Variants in PLCG1 observed in about 807,000 individuals in gnomAD.
PLCG1 encodes the protein phospholipase C gamma 1, also known as 1-phosphatidylinositol 4,5-bisphosphate phosphodiesterase gamma-1.
A neutral mutation model predicts 177.8 loss-of-function variants in PLCG1; 71 were observed. The observed-to-expected ratio is 0.40, with a 90% CI of 0.33 to 0.49. The LOEUF is 0.49. Among genes scored for constraint, PLCG1 ranks in the 20% least tolerant of loss-of-function variants. The pLI, the probability that PLCG1 is intolerant of heterozygous loss-of-function variation, is 0.72. For missense variants in PLCG1, 1,281 were observed against 1,709.0 expected (o/e 0.75, Z 4.42); for synonymous variants, 658 against 647.9 (o/e 1.02, Z -0.24).
chr20:41,165,384 GC>G lies in PLCG1; in HGVS notation c.1509+18del. 9 of 1,614,164 alleles carry G rather than the reference GC, an allele frequency of 5.6e-6. No homozygotes were observed. Among genetic ancestry groups the G allele is most frequent in the Non-Finnish European group, 7.6e-6 (9 of 1,179,994 alleles). On this transcript the variant is annotated intron_variant, in intron 14 of 31. Coordinates refer to ENST00000685551, the MANE Select transcript of PLCG1 (RefSeq NM_002660.3). The surrounding 1 kb of genome is among the most constrained non-coding windows in gnomAD (Gnocchi z 6.6). ...GTGAACCACGTGAGGACTGGGCCAG[GC>G]TGGGGGTGGTAGGCCAGTGGGTGTG...
chr20:41,143,843 A>C (rs1264853572), intron 1 of PLCG1, among the ~76,000 whole-genome samples: 1 of 152,220 alleles, frequency 6.6e-6, no homozygotes, highest in Non-Finnish European at 1.5e-5. Context: ...TAAGAGTAAG[A>C]GATTTTATGT....
At chr20:41,162,247 T>G (rs2146036699) in intron 4 of PLCG1, 1 of 299,746 alleles carries the variant, frequency 3.3e-6, no homozygotes, top group South Asian at 1.7e-4. Context: ...TTTTTTTTTT[T>G]TTTTTTTTGC....
rs1372727540 is a variant in PLCG1 at position 41,163,639 on chromosome 20, C to T, written c.892-76C>T. The T allele has an allele frequency of 1.7e-6, 2 of 1,156,386 alleles. No homozygotes were observed. Among genetic ancestry groups the T allele is most frequent in the African/African-American group, 3.0e-5 (2 of 66,380 alleles). The allele number at this position is 1,156,386 out of a possible 1,614,324, so 71.6% of individuals were successfully genotyped here. Reference sequence around the variant, plus strand: ...CAGTTGGGACAGAGCACTCTCTCTCCTACCCCCAACCTACCATCTTGGGTT... The same window carrying T: ...CAGTTGGGACAGAGCACTCTCTCTCTTACCCCCAACCTACCATCTTGGGTT... On this transcript the variant is annotated intron_variant, in intron 9 of 31. Coordinates refer to ENST00000685551, the MANE Select transcript of PLCG1 (RefSeq NM_002660.3). The surrounding 1 kb of genome is among the most constrained non-coding windows in gnomAD (Gnocchi z 5.2).
At chr20:41,145,773 G>A (rs989288096) in intron 1 of PLCG1, among the ~76,000 whole-genome samples, 11 of 152,228 alleles carry the variant, frequency 7.2e-5, no homozygotes, top group African/African-American at 2.4e-4. Context: ...AATGGGGACA[G>A]TGGAGTTGGT....
rs2866370 is a variant in PLCG1 at position 41,146,854 on chromosome 20, G to A, written c.217+8996G>A. On this transcript the variant is annotated intron_variant, in intron 1 of 31. Transcript: ENST00000685551. This position sits in a 1 kb window ranked among gnomAD's most constrained non-coding sequence, Gnocchi z 6.3. ...AACCCCACCTTGACTTCAGCCTAAGGCCCAGAGAGTGTGGGCCTGAGTTCA... is the reference window on the plus strand; with the variant it reads ...AACCCCACCTTGACTTCAGCCTAAGACCCAGAGAGTGTGGGCCTGAGTTCA... 0.068 allele frequency among the ~76,000 whole-genome samples: 10,315 copies of A among 152,186 alleles called. 373 individuals carry two copies. The highest frequency in any genetic ancestry group is 0.17 in the Middle Eastern group (50 of 294).
rs960647099 is a variant in PLCG1 at position 41,167,213 on chromosome 20, C to T, written c.2301+354C>T. On this transcript the variant is annotated intron_variant, in intron 19 of 31. Coordinates refer to ENST00000685551, the MANE Select transcript of PLCG1 (RefSeq NM_002660.3). The surrounding 1 kb of genome is among the most constrained non-coding windows in gnomAD (Gnocchi z 4.4). ...CTAGGGCAGATGAGATGAGGCTACC[C>T]AAGAGTGGTTGTGGAGCCTCCGCCT... Among the ~76,000 whole-genome samples, 1 of 152,082 alleles carries T rather than the reference C, an allele frequency of 6.6e-6. No homozygotes were observed. The highest frequency in any genetic ancestry group is 2.4e-5 in the African/African-American group (1 of 41,402).
chr20:41,167,743 G>A lies in PLCG1; in HGVS notation c.2302-109G>A, dbSNP rs1299663853. ...AGGTCGAAGGATCCCTGTGGATCAG[G>A]TGCAAGTTTGCTGCACTGGGGGAAA... is the stretch of plus-strand genomic sequence containing the variant. On this transcript the variant is annotated intron_variant, in intron 19 of 31. Transcript: ENST00000685551. This position sits in a 1 kb window ranked among gnomAD's most constrained non-coding sequence, Gnocchi z 4.4. 1.1e-5 allele frequency: 8 copies of A among 761,350 alleles called. No individual in the cohort carries two copies. Among genetic ancestry groups the A allele is most frequent in the Non-Finnish European group, 1.9e-5 (8 of 429,508 alleles). The allele number at this position is 761,350 out of a possible 1,614,324, so 47.2% of individuals were successfully genotyped here. A position where few individuals can be genotyped will look rare whatever the true frequency, so the allele number is the denominator to read the frequency against.
At chr20:41,152,281 C>T (rs1016082822) in intron 1 of PLCG1, among the ~76,000 whole-genome samples, 7 of 152,244 alleles carry the variant, frequency 4.6e-5, no homozygotes, top group Admixed American at 2.0e-4. Flanking sequence ...CCCAGCAGGG[C>T]GTGGGTGCTC....
At position 41,170,269 on chromosome 20, in the gene PLCG1, G is replaced by A. The variant is rs1410701792; in HGVS notation, c.2808G>A (p.Arg936=). 2 of 1,613,986 alleles carry A rather than the reference G, an allele frequency of 1.2e-6. No individual in the cohort carries two copies. The highest frequency in any genetic ancestry group is 2.2e-5 in the East Asian group (1 of 44,896). ...IREVAQTADA[R]LTEGKIMERR... is the part of the protein sequence containing the mutation. ...AAGTGGCCCAGACAGCAGACGCCAGGGTGAGATTCTGCTGGAACCTTCTGG... is the reference window on the plus strand; with the variant it reads ...AAGTGGCCCAGACAGCAGACGCCAGAGTGAGATTCTGCTGGAACCTTCTGG... Residue 936 remains arginine (R), a splice_region_variant and synonymous_variant, in exon 24 of 32, where the codon AGG becomes AGA. Coordinates refer to ENST00000685551, the MANE Select transcript of PLCG1 (RefSeq NM_002660.3).
Position 41,166,284 on chromosome 20 carries a change from C to G in PLCG1, c.1890C>G (p.Asp630Glu). The G allele has an allele frequency of 8.1e-6, 13 of 1,614,194 alleles. No individual in the cohort carries two copies. The highest frequency in any genetic ancestry group is 1.1e-5 in the Non-Finnish European group (13 of 1,180,026). ...TCTTGACAGACAACCTCGTCTTTGA[C>G]TCCCTCTATGACCTCATCACGCACT... The part of the protein sequence containing the change: ...KFFLTDNLVF[D>E]SLYDLITHYQ... The change falls in exon 17 of 32, where the codon GAC becomes GAG. Residue 630 changes from aspartate to glutamate, a missense_variant. By Grantham distance (45) the Asp-to-Glu change is conservative. This residue lies in a region of PLCG1 where 723 missense variants were observed against 1,030.0 expected (regional missense o/e 0.70). Transcript: ENST00000685551. The surrounding 1 kb of genome is among the most constrained non-coding windows in gnomAD (Gnocchi z 8.6).
chr20:41,158,519 T>G (rs1038954262), intron 1 of PLCG1, among the ~76,000 whole-genome samples: 2 of 152,328 alleles, frequency 1.3e-5, no homozygotes, highest in Admixed American at 6.5e-5. Context: ...TGTCAGAGCC[T>G]GTGCACCTTT....
rs1461540170 is a variant in PLCG1 at position 41,137,580 on chromosome 20, G to A, written c.-62G>A. The stretch of plus-strand genomic sequence containing the variant: ...AGCCTCAGCCCCAACCTCAGCCGCC[G>A]CCGTTGCGCTTGCTCCCGGGCGGTC... On this transcript the variant is annotated 5_prime_UTR_variant, in exon 1 of 32. Coordinates refer to ENST00000685551, the MANE Select transcript of PLCG1 (RefSeq NM_002660.3). This position sits in a 1 kb window ranked among gnomAD's most constrained non-coding sequence, Gnocchi z 7.3. 9.6e-7 allele frequency: 1 copy of A among 1,045,974 alleles called. No individual in the cohort carries two copies. Among genetic ancestry groups the A allele is most frequent in the Non-Finnish European group, 1.2e-6 (1 of 812,618 alleles). The allele number at this position is 1,045,974 out of a possible 1,614,324, so 64.8% of individuals were successfully genotyped here.
At position 41,163,682 on chromosome 20, in the gene PLCG1, A is replaced by G. The variant is rs1180720412; in HGVS notation, c.892-33A>G. 4 of 1,427,270 alleles carry G rather than the reference A, an allele frequency of 2.8e-6. No homozygotes were observed. Among genetic ancestry groups the G allele is most frequent in the East Asian group, 2.3e-5 (1 of 44,064 alleles). The allele number at this position is 1,427,270 out of a possible 1,614,324, so 88.4% of individuals were successfully genotyped here. ...CTTGGGTTGGACAGGGCAGGGACTC[A>G]CTGTCTCTTCCCTTCCACATGTTTC... On this transcript the variant is annotated intron_variant, in intron 9 of 31. Transcript: ENST00000685551. This position sits in a 1 kb window ranked among gnomAD's most constrained non-coding sequence, Gnocchi z 5.2.
At position 41,163,261 on chromosome 20, in the gene PLCG1, C is replaced by T. The variant is rs563842379; in HGVS notation, c.775C>T (p.Leu259Phe). The T allele has an allele frequency of 6.4e-7, 1 of 1,559,628 alleles. No homozygotes were observed. The highest frequency in any genetic ancestry group is 1.2e-5 in the South Asian group (1 of 81,660). ...VSLPEFQQFL[L>F]DYQGELWAVD... ...CCTTCCTGAGTTCCAGCAGTTCCTT[C>T]TTGACTACCAGGGGGTATGGCTGGG... Residue 259 changes from leucine (L) to phenylalanine (F), a missense_variant, in exon 8 of 32, where the codon CTT becomes TTT. Around this residue, in one of 4 missense-constraint regions of PLCG1, gnomAD observed 374 missense variants for 443.8 expected, o/e 0.84. Transcript: ENST00000685551. This position sits in a 1 kb window ranked among gnomAD's most constrained non-coding sequence, Gnocchi z 5.2.
In PLCG1 at chr20:41,166,140, C is replaced by T; in HGVS notation, c.1800-54C>T. 6.5e-7 allele frequency: 1 copy of T among 1,527,590 alleles called. No homozygotes were observed. Among genetic ancestry groups the T allele is most frequent in the Non-Finnish European group, 9.0e-7 (1 of 1,112,558 alleles). 94.6% of individuals were successfully genotyped at this position (1,527,590 alleles called of 1,614,324 possible). ...ACCCTCATTTGGGGTGGAACTTGGT[C>T]TTTGGGGCCCTGGCCTGTTTTCCCC... On this transcript the variant is annotated intron_variant, in intron 16 of 31. Coordinates refer to ENST00000685551, the MANE Select transcript of PLCG1 (RefSeq NM_002660.3). This position sits in a 1 kb window ranked among gnomAD's most constrained non-coding sequence, Gnocchi z 8.6.
rs77229521 is a variant in PLCG1, at chr20:41,162,432, G to C, written c.513-20G>C. On this transcript the variant is annotated intron_variant, in intron 4 of 31. Coordinates refer to ENST00000685551, the MANE Select transcript of PLCG1 (RefSeq NM_002660.3). ...ATGAGAAGCTGGATGAGACCACTGG[G>C]GATGTCCCTGTTTTCTCAGTATATC... The C allele has an allele frequency of 3.9e-4, 624 of 1,596,478 alleles. 1 individual carries two copies. The African/African-American group carries it at 7.7e-3, about 20-fold the overall frequency.
At position 41,159,815 on chromosome 20, in the gene PLCG1, C is replaced by T. The variant is rs2035437642; in HGVS notation, c.371-55C>T. The T allele has an allele frequency of 6.2e-7, 1 of 1,613,022 alleles. No homozygotes were observed. The highest frequency in any genetic ancestry group is 1.1e-5 in the South Asian group (1 of 91,048). On this transcript the variant is annotated intron_variant, in intron 2 of 31. Transcript: ENST00000685551. The surrounding 1 kb of genome is among the most constrained non-coding windows in gnomAD (Gnocchi z 6.0). ...ATAGTTAGGGGAATGCCTGCTGGCTCCTGCCCAGTGGGAGGTATGTGCCCT... is the reference window on the plus strand; with the variant it reads ...ATAGTTAGGGGAATGCCTGCTGGCTTCTGCCCAGTGGGAGGTATGTGCCCT...
At chr20:41,139,384 C>T (rs1392126593) in intron 1 of PLCG1, among the ~76,000 whole-genome samples, 2 of 152,190 alleles carry the variant, frequency 1.3e-5, no homozygotes, top group African/African-American at 4.8e-5. Flanking sequence ...ACTCCCTATG[C>T]TGTGTTGAGT....
In PLCG1 at chr20:41,146,608, T is replaced by G. The variant is rs2035002585; in HGVS notation, c.217+8750T>G. On this transcript the variant is annotated intron_variant, in intron 1 of 31. Coordinates refer to ENST00000685551, the MANE Select transcript of PLCG1 (RefSeq NM_002660.3). The surrounding 1 kb of genome is among the most constrained non-coding windows in gnomAD (Gnocchi z 6.3). ...TGGCCACTTGTTTGTGTGTGTTTAG[T>G]TCTTCCTGGGCACAGGTGGGGAGTT... 6.6e-6 allele frequency among the ~76,000 whole-genome samples: 1 copy of G among 152,250 alleles called. No homozygotes were observed. Among genetic ancestry groups the G allele is most frequent in the African/African-American group, 2.4e-5 (1 of 41,468 alleles).
Sources: allele counts gnomAD v4.1 joint callset (sites outside exome capture counted in the v4.1 genomes callset), GRCh38; gene constraint gnomAD v4.1.1; regional missense constraint gnomAD v4.1.1; non-coding constraint Gnocchi (gnomAD v3.1); transcripts MANE v1.5; gene names NCBI Gene and HGNC (gene_info 2026-07-23, HGNC 2026-07-21).